Variants in SRCAP observed in about 807,000 individuals in gnomAD.
The protein encoded by SRCAP is chromatin remodeling protein SRCAP.
A neutral mutation model predicts 263.1 loss-of-function variants in SRCAP; 46 were observed. The ratio of observed to expected loss-of-function variants is 0.17; its 90% confidence interval spans 0.14 to 0.22. SRCAP has a LOEUF of 0.22. Among genes scored for constraint, SRCAP ranks in the 10% least tolerant of loss-of-function variants. The probability of loss-of-function intolerance (pLI) is 1.00; values close to 1 mark genes in which losing one functional copy is unlikely to be tolerated. For synonymous variants in SRCAP, 1,813 were observed against 1,662.1 expected (o/e 1.09, Z -2.21); for missense variants, 3,695 against 4,181.9 (o/e 0.88, Z 3.21).
intron 27 of SRCAP, among the ~76,000 whole-genome samples, chr16:30,732,637 G>A (rs1203796798): frequency 6.6e-6 from 1 of 152,254 alleles, no homozygotes; most frequent in East Asian, 1.9e-4. Flanking sequence ...TATCTATCCT[G>A]TGAATCTGTT....
At chr16:30,702,263 G>A (rs1203136680) in intron 3 of SRCAP, among the ~76,000 whole-genome samples, 11 of 147,126 alleles carry the variant, frequency 7.5e-5, no homozygotes, top group Admixed American at 6.7e-4. Context: ...CCAGAGTTTC[G>A]CTTTTGTTGC....
intron 21 of SRCAP, 99 bp from the exon 22 acceptor site, chr16:30,722,023 T>C: frequency 6.9e-7 from 1 of 1,450,938 alleles, no homozygotes; most frequent in Non-Finnish European, 9.3e-7. Flanking sequence ...CTTAGTTGTT[T>C]GAACTGGACA....
Position 30,734,584 on chromosome 16 carries a change from T to G in SRCAP, c.6698T>G (p.Val2233Gly). 6.2e-7 allele frequency: 1 copy of G among 1,613,992 alleles called. No homozygotes were observed. The highest frequency in any genetic ancestry group is 8.5e-7 in the Non-Finnish European group (1 of 1,180,000). ...GCCCCTGAAGAGGAGGAAGAGACTG[T>G]GGCCAGCAAGCAGACTCATATTCTG... ...PSAPEEEEET[V>G]ASKQTHILEQ... The change falls in exon 31 of 34, where the codon GTG becomes GGG. Residue 2233 changes from valine (V) to glycine (G), a missense_variant. By Grantham distance (109) the Val-to-Gly change is moderately radical (BLOSUM62 -3). This residue lies in a region of SRCAP where 53 missense variants were observed against 45.6 expected (regional missense o/e 1.16). Transcript: ENST00000262518.
intron 21 of SRCAP, 119 bp from the exon 22 acceptor site, chr16:30,722,003 G>A: frequency 7.8e-7 from 1 of 1,274,878 alleles, no homozygotes. Context: ...ATGGTAAATT[G>A]TGGGAAGGGC....
Position 30,738,611 on chromosome 16 carries a change from ACGT to A in SRCAP, c.8574_8576del (p.Arg2860del). Reference sequence around the variant, plus strand: ...TCGCCATCACCCCACCTGCTGTGAAACGTCGGAGGGGGAGGCCCCCCAAGAAGA... The same window carrying A: ...TCGCCATCACCCCACCTGCTGTGAAACGGAGGGGGAGGCCCCCCAAGAAGA... On this transcript the variant is annotated inframe_deletion, in exon 34 of 34. Coordinates refer to ENST00000262518, the MANE Select transcript of SRCAP (RefSeq NM_006662.3). The A allele has an allele frequency of 6.2e-7, 1 of 1,602,926 alleles. No individual in the cohort carries two copies. Among genetic ancestry groups the A allele is most frequent in the Non-Finnish European group, 8.5e-7 (1 of 1,174,064 alleles).
At chr16:30,728,458 G>C (rs895302062) in intron 25 of SRCAP, among the ~76,000 whole-genome samples, 1 of 152,204 alleles carries the variant, frequency 6.6e-6, no homozygotes, top group African/African-American at 2.4e-5. Context: ...TTCTGTCTCA[G>C]AGTGATGAGA....
Position 30,724,052 on chromosome 16 carries a change from C to T in SRCAP, c.4628C>T (p.Pro1543Leu). Reference sequence around the variant, plus strand: ...CCAGGGTTGAACTCAACCGTGGCCCCAGCATGCTCACCTGTCCTGGTGCCA... The same window carrying T: ...CCAGGGTTGAACTCAACCGTGGCCCTAGCATGCTCACCTGTCCTGGTGCCA... The part of the protein sequence containing the change: ...HVPGLNSTVA[P>L]ACSPVLVPAS... Residue 1543 changes from proline to leucine, a missense_variant, in exon 25 of 34, where the codon CCA (proline) becomes CTA (leucine). Pro to Leu is a moderately conservative substitution (Grantham distance 98). Around this residue, in one of 12 missense-constraint regions of SRCAP, gnomAD observed 1,347 missense variants for 1,304.4 expected, o/e 1.03. Coordinates refer to ENST00000262518, the MANE Select transcript of SRCAP (RefSeq NM_006662.3). 3 of 1,613,818 alleles carry T rather than the reference C, an allele frequency of 1.9e-6. No individual in the cohort carries two copies. The highest frequency in any genetic ancestry group is 3.3e-4 in the Middle Eastern group (2 of 6,062).
intron 2 of SRCAP, 39 bp from the exon 3 acceptor site, chr16:30,700,577 G>T: frequency 2.4e-6 from 1 of 416,882 alleles, no homozygotes; most frequent in South Asian, 4.8e-5. Flanking sequence ...CCCTTTAACT[G>T]CATTTCTGTC....
chr16:30,718,959 C>A (rs1052075036), intron 18 of SRCAP, among the ~76,000 whole-genome samples: 1 of 150,954 alleles, frequency 6.6e-6, no homozygotes, highest in Admixed American at 6.6e-5. Flanking sequence ...TACAATGGTG[C>A]AGTCTCAGCG....
In SRCAP at chr16:30,720,158, G is replaced by A. The variant is rs1206166298; in HGVS notation, c.2818-4G>A. The A allele has an allele frequency of 1.3e-6, 2 of 1,599,020 alleles. No individual in the cohort carries two copies. The highest frequency in any genetic ancestry group is 1.7e-5 in the Admixed American group (1 of 59,474). ...TTATGACTGTGCTTTCTTTCTTGTG[G>A]CAGCGGATAGACATGGGTCGATTTG... On this transcript the variant is annotated splice_polypyrimidine_tract_variant and splice_region_variant and intron_variant, in intron 18 of 33. Coordinates refer to ENST00000262518, the MANE Select transcript of SRCAP (RefSeq NM_006662.3).
rs750749859 is a variant in SRCAP at position 30,710,968 on chromosome 16, C to T, written c.1229-31C>T. 4.1e-5 allele frequency: 65 copies of T among 1,604,480 alleles called. 1 individual carries two copies. Among genetic ancestry groups the T allele is most frequent in the Non-Finnish European group, 5.3e-5 (62 of 1,171,398 alleles). On this transcript the variant is annotated intron_variant, in intron 9 of 33. Coordinates refer to ENST00000262518, the MANE Select transcript of SRCAP (RefSeq NM_006662.3). Reference sequence around the variant, plus strand: ...GTGTCCTGTGCCTCTAGCCTCTATCCCTATTAATCTTGCTTCTGTCTCTTT... The same window carrying T: ...GTGTCCTGTGCCTCTAGCCTCTATCTCTATTAATCTTGCTTCTGTCTCTTT...
chr16:30,703,460 C>G (rs541191339), intron 3 of SRCAP, among the ~76,000 whole-genome samples: 1 of 151,158 alleles, frequency 6.6e-6, no homozygotes, highest in Admixed American at 6.6e-5. Flanking sequence ...TCCCAAAGTG[C>G]TGGGATCACA....
chr16:30,707,458 G>C, intron 5 of SRCAP, 90 bp downstream of exon 5: 1 of 1,601,078 alleles, frequency 6.2e-7, no homozygotes, highest in East Asian at 2.2e-5. Context: ...AATGGTGTAG[G>C]CATTAAGAGC....
At chr16:30,720,401 G>T in intron 19 of SRCAP, 70 bp downstream of exon 19, 2 of 1,535,772 alleles carry the variant, frequency 1.3e-6, no homozygotes, top group Non-Finnish European at 1.8e-6. Flanking sequence ...AGGGGCCTGG[G>T]GTGGGAAGAA....
At chr16:30,707,767 C>T in intron 6 of SRCAP, 55 bp downstream of exon 6, 5 of 1,597,614 alleles carry the variant, frequency 3.1e-6, no homozygotes, top group South Asian at 1.1e-5. Flanking sequence ...TGGTAGATGG[C>T]GTGGTAGTAG....
In SRCAP at chr16:30,738,380, G is replaced by A. The variant is rs751849070; in HGVS notation, c.8340G>A (p.Gly2780=). Residue 2780 remains glycine (G), a synonymous_variant, in exon 34 of 34, where the codon GGG becomes GGA. Coordinates refer to ENST00000262518, the MANE Select transcript of SRCAP (RefSeq NM_006662.3). ...QRGAASTLVP[G]VSETSASPGS... is the part of the protein sequence containing the mutation. ...GAGCTGCCAGCACCCTAGTGCCTGG[G>A]GTCTCTGAGACTAGTGCCAGCCCGG... The A allele has an allele frequency of 7.7e-6, 12 of 1,555,300 alleles. No individual in the cohort carries two copies. The highest frequency in any genetic ancestry group is 1.4e-5 in the African/African-American group (1 of 73,010).
intron 10 of SRCAP, 31 bp downstream of exon 10, chr16:30,711,119 C>G (rs773917709): frequency 2.6e-6 from 4 of 1,553,320 alleles, no homozygotes; most frequent in African/African-American, 2.7e-5. Context: ...TACTAAGCAT[C>G]CACTTGGTGT....
In SRCAP at chr16:30,720,266, G is replaced by T; in HGVS notation, c.2922G>T (p.Leu974=). 6.2e-7 allele frequency: 1 copy of T among 1,614,214 alleles called. No individual in the cohort carries two copies. Among genetic ancestry groups the T allele is most frequent in the Non-Finnish European group, 8.5e-7 (1 of 1,180,018 alleles). The part of the protein sequence containing the change: ...LPRHRLSRRV[L]LEVATAPDPP... ...GGCACCGCCTCTCTCGCCGGGTACT[G>T]TTAGAAGTGGCTACTGCTCCTGACC... Residue 974 remains leucine (L), a synonymous_variant, in exon 19 of 34, where the codon CTG becomes CTT. Coordinates refer to ENST00000262518, the MANE Select transcript of SRCAP (RefSeq NM_006662.3).
chr16:30,703,186 T>C (rs2052788748), intron 3 of SRCAP, among the ~76,000 whole-genome samples: 1 of 151,262 alleles, frequency 6.6e-6, no homozygotes, highest in Non-Finnish European at 1.5e-5. Flanking sequence ...TATAAATTTT[T>C]TTTTTCCTTT....
Sources: allele counts gnomAD v4.1 joint callset (sites outside exome capture counted in the v4.1 genomes callset), GRCh38; gene constraint gnomAD v4.1.1; regional missense constraint gnomAD v4.1.1; transcripts MANE v1.5; gene names NCBI Gene and HGNC (gene_info 2026-07-23, HGNC 2026-07-21).